The following RIMS2 variants were observed in gnomAD, a reference collection of about 807,000 sequenced individuals.
The protein encoded by RIMS2 is regulating synaptic membrane exocytosis protein 2.
A neutral mutation model predicts 174.4 loss-of-function variants in RIMS2; 59 were observed. The observed-to-expected ratio is 0.34, with a 90% CI of 0.27 to 0.42. The LOEUF (loss-of-function observed/expected upper bound fraction) is 0.42, where lower values mean the gene tolerates loss of function less well. RIMS2 is among the 10% of genes least tolerant of loss of function. RIMS2 has a pLI of 1.00. For missense variants in RIMS2, 1,620 were observed against 1,666.3 expected (o/e 0.97, Z 0.48); for synonymous variants, 606 against 572.5 (o/e 1.06, Z -0.84).
In RIMS2 at chr8:103,887,021, A is replaced by G. The variant is rs182078145; in HGVS notation, c.1624+798A>G. On this transcript the variant is annotated intron_variant, in intron 4 of 23. Coordinates refer to ENST00000504942, the Ensembl canonical transcript of RIMS2. ...ATTATTTTAAGCTTTAATTCAGATTACCAAATTGCTTTCCAAAAAGGTTGT... is the reference window on the plus strand; with the variant it reads ...ATTATTTTAAGCTTTAATTCAGATTGCCAAATTGCTTTCCAAAAAGGTTGT... 2.6e-5 allele frequency among the ~76,000 whole-genome samples: 4 copies of G among 151,920 alleles called. No homozygotes were observed. The East Asian group carries it at 7.8e-4, about 30-fold the overall frequency.
intron 1 of RIMS2, among the ~76,000 whole-genome samples, chr8:103,621,461 A>G (rs1252637010): frequency 1.3e-5 from 2 of 152,260 alleles, no homozygotes; most frequent in African/African-American, 4.8e-5. Flanking sequence ...AACACCTTCA[A>G]ATAAGGAAGA....
chr8:103,551,176 T>A (rs1418556267), intron 1 of RIMS2, among the ~76,000 whole-genome samples: 1 of 152,194 alleles, frequency 6.6e-6, no homozygotes, highest in Admixed American at 6.5e-5. Context: ...ATATCCCTCA[T>A]GAACATCGAT....
intron 2 of RIMS2, among the ~76,000 whole-genome samples, chr8:103,727,360 A>G (rs964908544): frequency 6.6e-6 from 1 of 152,170 alleles, no homozygotes; most frequent in South Asian, 2.1e-4. Context: ...TCATTTTGTT[A>G]TATTTCAAAT....
intron 2 of RIMS2, among the ~76,000 whole-genome samples, chr8:103,754,093 G>C (rs964729447): frequency 6.6e-6 from 1 of 152,280 alleles, no homozygotes; most frequent in Admixed American, 6.5e-5. Context: ...TCTACACACT[G>C]CTTTAAGTGT....
At position 104,094,600 on chromosome 8, in the gene RIMS2, C is replaced by T. The variant is rs188021742; in HGVS notation, c.3334+79985C>T. The T allele has an allele frequency of 7.0e-5, 49 of 700,962 alleles. No individual in the cohort carries two copies. In the East Asian group the frequency reaches 1.1e-3, roughly 15 times the overall value. 43.4% of individuals were successfully genotyped at this position (700,962 alleles called of 1,614,324 possible). A position where few individuals can be genotyped will look rare whatever the true frequency, so the allele number is the denominator to read the frequency against. On this transcript the variant is annotated intron_variant, in intron 19 of 23. Coordinates refer to ENST00000504942, the Ensembl canonical transcript of RIMS2. The stretch of plus-strand genomic sequence containing the variant: ...GAGAAAGGGAAAGAGATTGCCAAAA[C>T]GTGTAATAAGGAGAAAAACAGAGAA...
At chr8:103,575,841 C>G (rs1218675395) in intron 1 of RIMS2, among the ~76,000 whole-genome samples, 1 of 152,040 alleles carries the variant, frequency 6.6e-6, no homozygotes, top group Non-Finnish European at 1.5e-5. Flanking sequence ...TCCCCACAAT[C>G]TGCCTGGCAC....
chr8:104,154,156 T>C (rs555557881), intron 19 of RIMS2, among the ~76,000 whole-genome samples: 1 of 152,308 alleles, frequency 6.6e-6, no homozygotes, highest in East Asian at 1.9e-4. Context: ...TTATCTCCAT[T>C]CGATAGATGG....
At chr8:103,915,136 C>A (rs1404879889) in intron 6 of RIMS2, among the ~76,000 whole-genome samples, 2 of 151,928 alleles carry the variant, frequency 1.3e-5, no homozygotes, top group African/African-American at 4.8e-5. Flanking sequence ...AAAGTATTTA[C>A]ATCTATAACT....
intron 19 of RIMS2, among the ~76,000 whole-genome samples, chr8:104,230,359 C>T (rs1039242553): frequency 2.0e-5 from 3 of 151,298 alleles, no homozygotes; most frequent in Non-Finnish European, 4.4e-5. Flanking sequence ...AAAAATAAAA[C>T]TATCAGCCAG....
chr8:103,726,973 G>A (rs758798037), intron 2 of RIMS2, among the ~76,000 whole-genome samples: 5 of 151,416 alleles, frequency 3.3e-5, no homozygotes, highest in Non-Finnish European at 7.4e-5. Flanking sequence ...TGCTGACCTT[G>A]TGATCTGCCC....
At chr8:104,057,766 T>C (rs1597915579) in intron 19 of RIMS2, among the ~76,000 whole-genome samples, 1 of 130,750 alleles carries the variant, frequency 7.6e-6, no homozygotes, top group Non-Finnish European at 1.6e-5. Context: ...CCCCTTCCTG[T>C]GTCCATGTGT....
intron 3 of RIMS2, among the ~76,000 whole-genome samples, chr8:103,795,587 A>G (rs1458412362): frequency 2.0e-5 from 3 of 152,288 alleles, no homozygotes; most frequent in Admixed American, 2.0e-4. Context: ...AATAATAATG[A>G]TGAAAAATAA....
At chr8:104,202,228 C>G (rs896711607) in intron 19 of RIMS2, among the ~76,000 whole-genome samples, 1 of 151,988 alleles carries the variant, frequency 6.6e-6, no homozygotes, top group Admixed American at 6.5e-5. Flanking sequence ...ATAGACATAC[C>G]AATTTTTAAA....
At chr8:103,770,189 A>G (rs199731592) in intron 3 of RIMS2, among the ~76,000 whole-genome samples, 1 of 152,222 alleles carries the variant, frequency 6.6e-6, no homozygotes, top group Non-Finnish European at 1.5e-5. Flanking sequence ...CTTTTGGAAC[A>G]CAGCCACTCC....
intron 19 of RIMS2, among the ~76,000 whole-genome samples, chr8:104,167,226 C>G (rs1319696830): frequency 6.6e-6 from 1 of 152,194 alleles, no homozygotes; most frequent in Non-Finnish European, 1.5e-5. Flanking sequence ...TAGTAATTTA[C>G]ATTCCCACCA....
At chr8:103,519,265 A>G (rs1367178865) in intron 1 of RIMS2, among the ~76,000 whole-genome samples, 1 of 152,148 alleles carries the variant, frequency 6.6e-6, no homozygotes, top group Non-Finnish European at 1.5e-5. Flanking sequence ...CACCTTTGGA[A>G]GTAATTCAGA....
chr8:104,200,955 A>G (rs2099051781), intron 19 of RIMS2, among the ~76,000 whole-genome samples: 2 of 152,066 alleles, frequency 1.3e-5, no homozygotes, highest in Non-Finnish European at 2.9e-5. Context: ...TACTAAAACA[A>G]AGGTTGTTTT....
intron 16 of RIMS2, among the ~76,000 whole-genome samples, chr8:103,982,415 T>C (rs374550542): frequency 1.4e-5 from 2 of 139,564 alleles, no homozygotes; most frequent in African/African-American, 5.4e-5. Context: ...ATTACTTTGA[T>C]ACCAAAAGCA....
chr8:103,509,940 T>A (rs1359609896), intron 1 of RIMS2, among the ~76,000 whole-genome samples: 1 of 152,174 alleles, frequency 6.6e-6, no homozygotes, highest in African/African-American at 2.4e-5. Context: ...GCATTTGGAA[T>A]TAACAACTTT....
Sources: allele counts gnomAD v4.1 joint callset (sites outside exome capture counted in the v4.1 genomes callset), GRCh38; gene constraint gnomAD v4.1.1; transcripts MANE v1.5; gene names NCBI Gene and HGNC (gene_info 2026-07-23, HGNC 2026-07-21).